The following ROCK2 variants were observed in gnomAD, a reference collection of about 807,000 sequenced individuals.
ROCK2 encodes rho-associated protein kinase 2.
A neutral mutation model predicts 195.1 loss-of-function variants in ROCK2; 61 were observed. The ratio of observed to expected loss-of-function variants is 0.31; its 90% confidence interval spans 0.25 to 0.39. The LOEUF (loss-of-function observed/expected upper bound fraction) is 0.39, where lower values mean the gene tolerates loss of function less well. Ranked by LOEUF, ROCK2 falls within the 10% of genes least tolerant of loss-of-function variation. ROCK2 has a pLI of 1.00. For missense variants in ROCK2, 1,109 were observed against 1,637.4 expected (o/e 0.68, Z 5.57); for synonymous variants, 504 against 545.5 (o/e 0.92, Z 1.06).
intron 1 of ROCK2, among the ~76,000 whole-genome samples, chr2:11,313,095 A>G (rs918113726): frequency 6.6e-6 from 1 of 152,132 alleles, no homozygotes; most frequent in South Asian, 2.1e-4. Flanking sequence ...TGTACAGCAA[A>G]GAATGAACCC....
intron 1 of ROCK2, among the ~76,000 whole-genome samples, chr2:11,296,079 C>T (rs966073900): frequency 8.3e-6 from 1 of 120,314 alleles, no homozygotes; most frequent in Non-Finnish European, 1.6e-5. Flanking sequence ...GCAGAATAAC[C>T]TACACTTCAT....
At chr2:11,336,216 T>C (rs1242298959) in intron 1 of ROCK2, among the ~76,000 whole-genome samples, 2 of 152,234 alleles carry the variant, frequency 1.3e-5, no homozygotes, top group East Asian at 1.9e-4. Flanking sequence ...CCATAGTTGG[T>C]TGTCACTTCC....
At chr2:11,298,072 A>T (rs1667591509) in intron 1 of ROCK2, among the ~76,000 whole-genome samples, 1 of 152,156 alleles carries the variant, frequency 6.6e-6, no homozygotes, top group Non-Finnish European at 1.5e-5. Flanking sequence ...AAATTTATCA[A>T]GCTGTATACA....
intron 1 of ROCK2, among the ~76,000 whole-genome samples, chr2:11,335,161 G>A (rs1007290559): frequency 2.7e-5 from 4 of 149,446 alleles, no homozygotes; most frequent in Non-Finnish European, 5.9e-5. Flanking sequence ...ACACACACAC[G>A]GAAGGGGAAG....
At chr2:11,224,558 T>A in intron 6 of ROCK2, 98 bp from the exon 7 acceptor site, 1 of 1,067,208 alleles carries the variant, frequency 9.4e-7, no homozygotes. Flanking sequence ...ATTTGTCACA[T>A]GCAGGGAAGA....
In ROCK2 at chr2:11,182,541, A is replaced by C. The variant is rs1207322658; in HGVS notation, c.*896T>G. 1.3e-5 allele frequency: 2 copies of C among 152,294 alleles called. No homozygotes were observed. Among genetic ancestry groups the C allele is most frequent in the African/African-American group, 4.8e-5 (2 of 41,470 alleles). 9.4% of individuals were successfully genotyped at this position (152,294 alleles called of 1,614,324 possible). On this transcript the variant is annotated 3_prime_UTR_variant, in exon 33 of 33. Transcript: ENST00000315872. ...CAATAATACTTTAAAAACATTTGTT[A>C]ATCAAAATAGGCTGACATTGATATA... is the stretch of plus-strand genomic sequence containing the variant.
intron 1 of ROCK2, among the ~76,000 whole-genome samples, chr2:11,338,354 TA>T (rs1477175843): frequency 6.6e-6 from 1 of 151,858 alleles, no homozygotes; most frequent in Non-Finnish European, 1.5e-5. Flanking sequence ...CTCCATATTT[TA>T]AAAAAATCAA....
intron 1 of ROCK2, among the ~76,000 whole-genome samples, chr2:11,295,994 A>AGGGGGG (rs70953383): frequency 6.9e-4 from 24 of 34,974 alleles, no homozygotes; most frequent in Non-Finnish European, 1.4e-3. Context: ...GAGAGAGGAG[A>AGGGGGG]GAGAGAGAGA....
intron 3 of ROCK2, among the ~76,000 whole-genome samples, chr2:11,256,087 A>T (rs972433195): frequency 6.6e-6 from 1 of 151,272 alleles, no homozygotes; most frequent in East Asian, 1.9e-4. Flanking sequence ...GTGTAATTAT[A>T]AATGGATTAA....
At chr2:11,263,166 C>T (rs747134839) in intron 3 of ROCK2, among the ~76,000 whole-genome samples, 11 of 152,012 alleles carry the variant, frequency 7.2e-5, no homozygotes, top group Non-Finnish European at 1.6e-4. Flanking sequence ...AAAATCATGC[C>T]CCCAACATCC....
At chr2:11,208,821 G>C (rs1161169174) in intron 18 of ROCK2, among the ~76,000 whole-genome samples, 1 of 151,856 alleles carries the variant, frequency 6.6e-6, no homozygotes, top group Non-Finnish European at 1.5e-5. Context: ...TCAAACTCCT[G>C]GCCTCATGCA....
intron 1 of ROCK2, among the ~76,000 whole-genome samples, chr2:11,306,112 T>C (rs1320019455): frequency 6.6e-6 from 1 of 152,248 alleles, no homozygotes. Flanking sequence ...CTGGGTCAGA[T>C]TCTTTTGCTA....
At chr2:11,187,471 G>A (rs766102528) in intron 32 of ROCK2, among the ~76,000 whole-genome samples, 4 of 152,146 alleles carry the variant, frequency 2.6e-5, no homozygotes, top group African/African-American at 7.2e-5. Context: ...CATCCACTGG[G>A]GGTCTTGGAC....
At chr2:11,231,298 G>T (rs1330285660) in intron 5 of ROCK2, among the ~76,000 whole-genome samples, 1 of 151,904 alleles carries the variant, frequency 6.6e-6, no homozygotes, top group Non-Finnish European at 1.5e-5. Context: ...CCGCCTCCTG[G>T]GTTCAAGCGA....
At chr2:11,291,048 G>C (rs1458911273) in intron 1 of ROCK2, among the ~76,000 whole-genome samples, 1 of 152,120 alleles carries the variant, frequency 6.6e-6, no homozygotes, top group African/African-American at 2.4e-5. Context: ...GGAGAAAAAT[G>C]TGTTATCCTA....
intron 1 of ROCK2, chr2:11,308,106 C>G: frequency 6.2e-7 from 1 of 1,611,122 alleles, no homozygotes; most frequent in South Asian, 1.1e-5. Flanking sequence ...TTGGGGCCAG[C>G]TGGTGGAGGC....
chr2:11,230,640 G>A (rs1572275386), intron 5 of ROCK2, among the ~76,000 whole-genome samples: 2 of 152,218 alleles, frequency 1.3e-5, no homozygotes, highest in East Asian at 3.9e-4. Flanking sequence ...TATTAAGCTG[G>A]AAAGCCAGAT....
intron 3 of ROCK2, among the ~76,000 whole-genome samples, chr2:11,250,807 T>A (rs962124437): frequency 1.3e-5 from 2 of 152,358 alleles, no homozygotes; most frequent in Non-Finnish European, 2.9e-5. Context: ...CAACATATTT[T>A]ATTTCAATTC....
At chr2:11,281,029 G>C (rs968827306) in intron 3 of ROCK2, among the ~76,000 whole-genome samples, 1 of 151,756 alleles carries the variant, frequency 6.6e-6, no homozygotes, top group African/African-American at 2.4e-5. Flanking sequence ...TGTATTATGC[G>C]GTGTAAAAGA....
Sources: gnomAD v4.1 joint callset for allele counts (sites outside exome capture counted in the v4.1 genomes callset) on GRCh38, gnomAD v4.1.1 for gene constraint, MANE v1.5 for transcripts, NCBI Gene and HGNC (gene_info 2026-07-23, HGNC 2026-07-21) for gene names.